The following PSTPIP2 variants were observed in gnomAD, a reference collection of about 807,000 sequenced individuals.
PSTPIP2 encodes proline-serine-threonine phosphatase-interacting protein 2.
In PSTPIP2, 33 loss-of-function variants were observed where a neutral mutation model predicts 63.3. The observed-to-expected ratio is 0.52, with a 90% CI of 0.40 to 0.70. PSTPIP2 has a LOEUF of 0.70. PSTPIP2 is among the 30% of genes least tolerant of loss of function. PSTPIP2 has a pLI of 0.00. For missense variants in PSTPIP2, 312 were observed against 400.7 expected, an observed-to-expected ratio of 0.78 and a Z score of 1.89; for synonymous variants, 125 against 132.7, an observed-to-expected ratio of 0.94 and a Z score of 0.40.
At chr18:46,049,008 A>ATG (rs59638072) in intron 1 of PSTPIP2, among the ~76,000 whole-genome samples, 10,211 of 136,184 alleles carry the variant, frequency 0.075, 381 homozygotes, top group South Asian at 0.14. Context: ...GAAAAAAAGC[A>ATG]TGTGTGTGTG....
intron 6 of PSTPIP2, among the ~76,000 whole-genome samples, chr18:46,000,121 A>G (rs978533421): frequency 2.0e-5 from 3 of 152,156 alleles, no homozygotes; most frequent in African/African-American, 7.2e-5. Flanking sequence ...CCTGGGCGAA[A>G]GGGTGAGACC....
chr18:46,029,041 AGGTTGAT>A, intron 2 of PSTPIP2: 2 of 801,010 alleles, frequency 2.5e-6, no homozygotes, highest in Admixed American at 3.6e-5. Context: ...TCACTATTTC[AGGTTGAT>A]GGAAGAACAA....
chr18:46,040,657 G>C (rs1415599193), intron 1 of PSTPIP2, among the ~76,000 whole-genome samples: 1 of 152,198 alleles, frequency 6.6e-6, no homozygotes, highest in Non-Finnish European at 1.5e-5. Context: ...GTTGGGCTTT[G>C]CTGTGCCCAG....
At chr18:46,065,590 C>T (rs548363397) in intron 1 of PSTPIP2, among the ~76,000 whole-genome samples, 2 of 152,272 alleles carry the variant, frequency 1.3e-5, no homozygotes, top group East Asian at 3.9e-4. Context: ...CCTCAGCCTC[C>T]CGAGTCGCTG....
chr18:46,032,107 T>C (rs1236448177), intron 2 of PSTPIP2, among the ~76,000 whole-genome samples: 1 of 152,166 alleles, frequency 6.6e-6, no homozygotes, highest in Non-Finnish European at 1.5e-5. Context: ...CCTATCTGAA[T>C]TTTTCTGTCT....
At chr18:46,057,737 C>T (rs1301941862) in intron 1 of PSTPIP2, among the ~76,000 whole-genome samples, 2 of 152,142 alleles carry the variant, frequency 1.3e-5, no homozygotes, top group Admixed American at 6.6e-5. Context: ...GTGGCTCACA[C>T]CTGTAATCCC....
intron 9 of PSTPIP2, chr18:45,994,106 T>C: frequency 3.6e-6 from 1 of 280,108 alleles, no homozygotes; most frequent in South Asian, 3.7e-5. Context: ...TAATTGTTGA[T>C]GCTGATTGAT....
chr18:46,057,898 T>C (rs1364884578), intron 1 of PSTPIP2, among the ~76,000 whole-genome samples: 2 of 148,942 alleles, frequency 1.3e-5, no homozygotes, highest in Non-Finnish European at 3.0e-5. Flanking sequence ...CTCGGGAGGC[T>C]GAGGCAGGAG....
Position 45,988,775 on chromosome 18 carries a change from C to T in PSTPIP2, c.956-16G>A. ...TTGGGATCATCTGCAAAAGGCAGAA[C>T]ACAGAAAACAACAGTAACATCAATT... On this transcript the variant is annotated splice_polypyrimidine_tract_variant and intron_variant, in intron 13 of 14. Coordinates refer to ENST00000409746, the MANE Select transcript of PSTPIP2 (RefSeq NM_024430.4). 1.3e-6 allele frequency: 2 copies of T among 1,544,092 alleles called. No homozygotes were observed. The highest frequency in any genetic ancestry group is 1.8e-6 in the Non-Finnish European group (2 of 1,116,814).
chr18:46,055,014 G>A (rs1453387878), intron 1 of PSTPIP2, among the ~76,000 whole-genome samples: 4 of 152,138 alleles, frequency 2.6e-5, no homozygotes, highest in Admixed American at 6.5e-5. Context: ...TGACTTGATC[G>A]TATCAGCAAA....
intron 1 of PSTPIP2, among the ~76,000 whole-genome samples, chr18:46,054,723 C>T (rs1347989916): frequency 2.7e-5 from 4 of 148,754 alleles, no homozygotes; most frequent in African/African-American, 5.0e-5. Flanking sequence ...TGCAGTGGCG[C>T]GATCTTGGCT....
At chr18:46,048,452 A>T (rs1015497753) in intron 1 of PSTPIP2, among the ~76,000 whole-genome samples, 4 of 152,236 alleles carry the variant, frequency 2.6e-5, no homozygotes, top group African/African-American at 9.6e-5. Flanking sequence ...TTACAGCAGC[A>T]ACAGAAAGCT....
chr18:45,997,388 C>T (rs987527852), intron 9 of PSTPIP2, among the ~76,000 whole-genome samples: 5 of 152,068 alleles, frequency 3.3e-5, no homozygotes, highest in African/African-American at 1.2e-4. Flanking sequence ...AGGGTTTCAC[C>T]ATGTTGGCCA....
At chr18:46,067,076 C>G (rs1909216579) in intron 1 of PSTPIP2, among the ~76,000 whole-genome samples, 1 of 151,832 alleles carries the variant, frequency 6.6e-6, no homozygotes, top group Non-Finnish European at 1.5e-5. Flanking sequence ...AAAGCTAGCT[C>G]CCTCCGGCTG....
chr18:46,037,694 G>A (rs1908030505), intron 2 of PSTPIP2, among the ~76,000 whole-genome samples: 1 of 152,148 alleles, frequency 6.6e-6, no homozygotes, highest in African/African-American at 2.4e-5. Context: ...CTTCCTTCCT[G>A]CAAGCGTGCC....
chr18:46,016,312 C>G lies in PSTPIP2; in HGVS notation c.213-375G>C, dbSNP rs549245841. 57 of 202,144 alleles carry G rather than the reference C, an allele frequency of 2.8e-4. 1 individual carries two copies. In the South Asian group the frequency reaches 5.3e-3, roughly 19 times the overall value. The allele number at this position is 202,144 out of a possible 1,614,324, so 12.5% of individuals were successfully genotyped here. A position where few individuals can be genotyped will look rare whatever the true frequency, so the allele number is the denominator to read the frequency against. ...TTGTGAGGTGGAGGTTGCAGCAAGC[C>G]AAGATTGCACCACTGCACTCCAGCC... On this transcript the variant is annotated intron_variant, in intron 3 of 14. Transcript: ENST00000409746.
chr18:46,064,282 C>CTTTTTTTTTTTTTTTT (rs56236802), intron 1 of PSTPIP2, among the ~76,000 whole-genome samples: 12 of 71,526 alleles, frequency 1.7e-4, no homozygotes, highest in Admixed American at 1.9e-4. Context: ...CTTTTTCTTT[C>CTTTTTTTTTTTTTTTT]TTTTTTTTTT....
intron 2 of PSTPIP2, among the ~76,000 whole-genome samples, chr18:46,039,682 A>C (rs1319229310): frequency 1.3e-5 from 2 of 152,002 alleles, no homozygotes; most frequent in Non-Finnish European, 2.9e-5. Flanking sequence ...GGGGTCTTTC[A>C]ATGTTATTTG....
At chr18:46,012,465 T>C (rs887797049) in intron 4 of PSTPIP2, among the ~76,000 whole-genome samples, 1 of 152,206 alleles carries the variant, frequency 6.6e-6, no homozygotes, top group Non-Finnish European at 1.5e-5. Flanking sequence ...TCTATATGCA[T>C]ATGTGCATCT....
Sources: allele counts gnomAD v4.1 joint callset (sites outside exome capture counted in the v4.1 genomes callset), GRCh38; gene constraint gnomAD v4.1.1; transcripts MANE v1.5; gene names NCBI Gene and HGNC (gene_info 2026-07-23, HGNC 2026-07-21).